Variants in DTL observed in about 807,000 individuals in gnomAD.
DTL encodes the protein denticleless E3 ubiquitin protein ligase adapter.
DTL carries 46 observed loss-of-function variants against 87.0 expected under a neutral mutation model. The ratio of observed to expected loss-of-function variants is 0.53; its 90% CI spans 0.42 to 0.68. The LOEUF is 0.68. Among genes scored for constraint, DTL ranks in the 30% least tolerant of loss-of-function variants. DTL has a pLI of 0.00. For synonymous variants in DTL, 308 were observed against 311.2 expected, an observed-to-expected ratio of 0.99 and a Z score of 0.11; for missense variants, 737 against 869.4, an observed-to-expected ratio of 0.85 and a Z score of 1.91.
At chr1:212,056,954 G>T (rs763056170) in intron 5 of DTL, among the ~76,000 whole-genome samples, 7 of 151,968 alleles carry the variant, frequency 4.6e-5, no homozygotes, top group Non-Finnish European at 8.8e-5. Flanking sequence ...CAAAAATAGA[G>T]AAAAAATAAT....
chr1:212,065,121 T>A, intron 7 of DTL, 92 bp downstream of exon 7: 34 of 914,314 alleles, frequency 3.7e-5, no homozygotes, highest in Middle Eastern at 2.2e-4. Context: ...AGAATCTTCA[T>A]GATTCTCATT....
intron 3 of DTL, among the ~76,000 whole-genome samples, chr1:212,046,255 G>A (rs1667804832): frequency 6.6e-6 from 1 of 152,146 alleles, no homozygotes; most frequent in African/African-American, 2.4e-5. Flanking sequence ...GCCAAAGGGT[G>A]CTGACTACTG....
At chr1:212,056,556 A>G (rs1431802363) in intron 5 of DTL, among the ~76,000 whole-genome samples, 1 of 152,208 alleles carries the variant, frequency 6.6e-6, no homozygotes, top group Non-Finnish European at 1.5e-5. Context: ...AGGTGCACAA[A>G]TATCAACATA....
At chr1:212,069,964 G>A (rs1388962452) in intron 10 of DTL, among the ~76,000 whole-genome samples, 2 of 152,088 alleles carry the variant, frequency 1.3e-5, no homozygotes, top group Non-Finnish European at 2.9e-5. Context: ...CTTTGCACTG[G>A]GTCTAGTTTT....
At chr1:212,058,437 T>C (rs1668244930) in intron 5 of DTL, among the ~76,000 whole-genome samples, 1 of 152,114 alleles carries the variant, frequency 6.6e-6, no homozygotes, top group Admixed American at 6.6e-5. Flanking sequence ...AATTAGGCAG[T>C]ATGATTATGA....
At chr1:212,063,942 G>T (rs761298776) in intron 6 of DTL, among the ~76,000 whole-genome samples, 2 of 150,486 alleles carry the variant, frequency 1.3e-5, no homozygotes, top group Admixed American at 6.6e-5. Flanking sequence ...ACCCAGGCTG[G>T]AGTGCAGTGG....
intron 11 of DTL, among the ~76,000 whole-genome samples, chr1:212,076,217 T>C (rs1654825065): frequency 6.6e-6 from 1 of 152,092 alleles, no homozygotes; most frequent in African/African-American, 2.4e-5. Flanking sequence ...CTCCTGGGAG[T>C]GTAGGAACAG....
chr1:212,082,091 G>A (rs1474410327), intron 13 of DTL, among the ~76,000 whole-genome samples: 2 of 152,194 alleles, frequency 1.3e-5, no homozygotes, highest in South Asian at 2.1e-4. Context: ...CACAACCAGA[G>A]AAGTAAGAGA....
At position 212,103,620 on chromosome 1, in the gene DTL, T is replaced by G. The variant is rs908112634; in HGVS notation, c.*680T>G. On this transcript the variant is annotated 3_prime_UTR_variant, in exon 15 of 15. Coordinates refer to ENST00000366991, the MANE Select transcript of DTL (RefSeq NM_016448.4). Reference sequence around the variant, plus strand: ...ACAACAGAAAGCTGTGTTTGTCTTTTTTCTCTCAAATATATCTCCCGTATG... The same window carrying G: ...ACAACAGAAAGCTGTGTTTGTCTTTGTTCTCTCAAATATATCTCCCGTATG... The G allele has an allele frequency of 2.6e-5, 4 of 152,220 alleles. No homozygotes were observed. The highest frequency in any genetic ancestry group is 9.6e-5 in the African/African-American group (4 of 41,462). The allele number at this position is 152,220 out of a possible 1,614,324, so 9.4% of individuals were successfully genotyped here. A position where few individuals can be genotyped will look rare whatever the true frequency, so the allele number is the denominator to read the frequency against.
At chr1:212,071,130 T>G (rs1654658202) in intron 10 of DTL, among the ~76,000 whole-genome samples, 1 of 152,216 alleles carries the variant, frequency 6.6e-6, no homozygotes, top group Non-Finnish European at 1.5e-5. Context: ...CCTGCATAGC[T>G]TTTTCCTTTA....
At chr1:212,061,654 G>A (rs894041237) in intron 5 of DTL, among the ~76,000 whole-genome samples, 2 of 152,076 alleles carry the variant, frequency 1.3e-5, no homozygotes, top group African/African-American at 2.4e-5. Context: ...GTCTATTAAC[G>A]AACAAATAGA....
intron 5 of DTL, among the ~76,000 whole-genome samples, chr1:212,055,624 A>T (rs1668150157): frequency 6.6e-6 from 1 of 151,980 alleles, no homozygotes; most frequent in Non-Finnish European, 1.5e-5. Context: ...TGTAAGCAAA[A>T]CTCAGTCGTT....
chr1:212,100,579 C>T lies in DTL; in HGVS notation c.1589C>T (p.Ala530Val), dbSNP rs924659636. Residue 530 changes from alanine (A) to valine (V), a missense_variant, in exon 14 of 15, where the codon GCC becomes GTC. Ala to Val is a moderately conservative substitution (Grantham distance 64). Transcript: ENST00000366991. ...ACCAAGATCATGTCTCCGAGAAAAGCCCTTATTCCTGTGAGCCAGAAGTCA... is the reference window on the plus strand; with the variant it reads ...ACCAAGATCATGTCTCCGAGAAAAGTCCTTATTCCTGTGAGCCAGAAGTCA... ...SETKIMSPRK[A>V]LIPVSQKSSQ... The T allele has an allele frequency of 4.3e-6, 7 of 1,613,892 alleles. No individual in the cohort carries two copies. The African/African-American group carries it at 9.4e-5, about 22-fold the overall frequency.
intron 6 of DTL, among the ~76,000 whole-genome samples, chr1:212,063,671 CT>C (rs1403018019): frequency 1.3e-5 from 2 of 152,118 alleles, no homozygotes; most frequent in Non-Finnish European, 2.9e-5. Flanking sequence ...GATTATCTCA[CT>C]GTTCACTTTT....
chr1:212,095,538 GT>G (rs1655420837), intron 13 of DTL, among the ~76,000 whole-genome samples: 1 of 152,100 alleles, frequency 6.6e-6, no homozygotes, highest in Admixed American at 6.5e-5. Flanking sequence ...GTTTCACCAT[GT>G]TGGCCAGGCT....
At chr1:212,087,870 G>A (rs1655176736) in intron 13 of DTL, among the ~76,000 whole-genome samples, 2 of 152,114 alleles carry the variant, frequency 1.3e-5, no homozygotes, top group Non-Finnish European at 2.9e-5. Context: ...GCCCTGGCTT[G>A]TAAACCCCCT....
At chr1:212,099,860 G>A (rs541074886) in intron 13 of DTL, among the ~76,000 whole-genome samples, 1 of 152,256 alleles carries the variant, frequency 6.6e-6, no homozygotes, top group South Asian at 2.1e-4. Context: ...TGGCAAATTA[G>A]TCCTGCCTCC....
At chr1:212,101,160 G>GA in intron 14 of DTL, 76 bp downstream of exon 14, 3 of 748,420 alleles carry the variant, frequency 4.0e-6, no homozygotes, top group South Asian at 3.0e-5. Flanking sequence ...AAGTCAGGAT[G>GA]CTTTTTTTTT....
At chr1:212,071,570 T>C (rs1654671321) in intron 10 of DTL, among the ~76,000 whole-genome samples, 1 of 152,188 alleles carries the variant, frequency 6.6e-6, no homozygotes, top group African/African-American at 2.4e-5. Context: ...TAACCAGAAC[T>C]CAAATGATAC....
Sources: gnomAD v4.1 joint callset for allele counts (sites outside exome capture counted in the v4.1 genomes callset) on GRCh38, gnomAD v4.1.1 for gene constraint, MANE v1.5 for transcripts, NCBI Gene and HGNC (gene_info 2026-07-23, HGNC 2026-07-21) for gene names.